The following SNTB2 variants were observed in gnomAD, a reference collection of about 807,000 sequenced individuals.
SNTB2 encodes beta-2-syntrophin.
SNTB2 carries 34 observed loss-of-function variants against 46.2 expected under a neutral mutation model. The ratio of observed to expected loss-of-function variants is 0.74; its 90% CI spans 0.56 to 0.98. SNTB2 has a LOEUF of 0.98. SNTB2 is among the 50% of genes least tolerant of loss of function. The pLI, the probability that SNTB2 is intolerant of heterozygous loss-of-function variation, is 0.00. For missense variants in SNTB2, 603 were observed against 731.4 expected, an observed-to-expected ratio of 0.82 and a Z score of 2.02; for synonymous variants, 290 against 312.6, an observed-to-expected ratio of 0.93 and a Z score of 0.76.
chr16:69,235,696 G>A, intron 1 of SNTB2: 1 of 1,274,230 alleles, frequency 7.8e-7, no homozygotes, highest in Non-Finnish European at 1.0e-6. Flanking sequence ...TCAAACTGCT[G>A]TATCCCCAGG....
intron 5 of SNTB2, 151 bp downstream of exon 5, chr16:69,284,395 T>C (rs1241958092): frequency 2.2e-6 from 1 of 444,446 alleles, no homozygotes; most frequent in African/African-American, 2.1e-5. Context: ...ATACCTTTTC[T>C]AAGTGTACAT....
In SNTB2 at chr16:69,260,252, G is replaced by A; in HGVS notation, c.997G>A (p.Ala333Thr). The change falls in exon 3 of 7, where the codon GCA becomes ACA. Residue 333 changes from alanine to threonine, a missense_variant. Physicochemically the swap from Ala to Thr is moderately conservative, Grantham distance 58. Transcript: ENST00000336278. ...AGAGGTGAAGCATATTGCCTGGCTG[G>A]CAGAACAGGTAGGCTGGGAGGCAGG... is the stretch of plus-strand genomic sequence containing the variant. ...SKEVKHIAWLAEQAKLDGGRQ... is the reference protein window; with the variant it reads ...SKEVKHIAWLTEQAKLDGGRQ... The A allele has an allele frequency of 2.5e-6, 4 of 1,614,098 alleles. No individual in the cohort carries two copies. The highest frequency in any genetic ancestry group is 3.4e-6 in the Non-Finnish European group (4 of 1,179,998).
chr16:69,297,856 A>T (rs934129105), intron 5 of SNTB2, among the ~76,000 whole-genome samples: 1 of 151,054 alleles, frequency 6.6e-6, no homozygotes. Flanking sequence ...TGAGGTTGCA[A>T]TGAACCGAGA....
intron 1 of SNTB2, among the ~76,000 whole-genome samples, chr16:69,196,536 G>T (rs943078882): frequency 2.0e-5 from 3 of 151,662 alleles, no homozygotes; most frequent in Non-Finnish European, 4.4e-5. Flanking sequence ...TACCATGCCC[G>T]GCTAATTTTT....
intron 1 of SNTB2, among the ~76,000 whole-genome samples, chr16:69,238,884 C>T (rs1291525499): frequency 6.6e-6 from 1 of 152,168 alleles, no homozygotes; most frequent in African/African-American, 2.4e-5. Context: ...CTATTTTCAA[C>T]ATAGTGGTCA....
chr16:69,257,787 C>T (rs1403170190), intron 2 of SNTB2, among the ~76,000 whole-genome samples: 1 of 152,154 alleles, frequency 6.6e-6, no homozygotes, highest in Non-Finnish European at 1.5e-5. Context: ...AACTTTTGTC[C>T]TATTTTGCTG....
At chr16:69,292,290 G>A (rs1350029644) in intron 5 of SNTB2, among the ~76,000 whole-genome samples, 3 of 141,394 alleles carry the variant, frequency 2.1e-5, no homozygotes, top group African/African-American at 8.0e-5. Flanking sequence ...TACACTGGTT[G>A]TACTATCTAC....
intron 4 of SNTB2, among the ~76,000 whole-genome samples, chr16:69,283,562 T>G (rs975701097): frequency 2.6e-5 from 4 of 152,226 alleles, no homozygotes; most frequent in African/African-American, 7.2e-5. Context: ...TTTTAAGCTC[T>G]TTGGCTGAAA....
chr16:69,274,186 C>T (rs979262155), intron 4 of SNTB2, among the ~76,000 whole-genome samples: 2 of 151,760 alleles, frequency 1.3e-5, no homozygotes, highest in African/African-American at 4.8e-5. Flanking sequence ...GTGGCATATG[C>T]CCGTAATCCC....
At chr16:69,235,605 A>T in intron 1 of SNTB2, 1 of 1,090,612 alleles carries the variant, frequency 9.2e-7, no homozygotes, top group Non-Finnish European at 1.2e-6. Flanking sequence ...AACTAAAAGG[A>T]AGGGAAAGGA....
At position 69,187,352 on chromosome 16, in the gene SNTB2, T is replaced by C; in HGVS notation, c.186T>C (p.Ala62=). 1 of 1,409,476 alleles carries C rather than the reference T, an allele frequency of 7.1e-7. No homozygotes were observed. The highest frequency in any genetic ancestry group is 9.2e-7 in the Non-Finnish European group (1 of 1,081,330). The allele number at this position is 1,409,476 out of a possible 1,614,324, so 87.3% of individuals were successfully genotyped here. A position where few individuals can be genotyped will look rare whatever the true frequency, so the allele number is the denominator to read the frequency against. The part of the protein sequence containing the change: ...GDAAAAELEP[A]LGPAAAAFNG... The stretch of plus-strand genomic sequence containing the variant: ...CCGCCGCGGCCGAGCTGGAGCCCGC[T>C]CTGGGACCCGCGGCCGCCGCCTTCA... Residue 62 remains alanine (A), a synonymous_variant, in exon 1 of 7, where the codon GCT becomes GCC. Transcript: ENST00000336278.
intron 5 of SNTB2, among the ~76,000 whole-genome samples, chr16:69,295,744 A>G (rs1293207459): frequency 1.3e-5 from 2 of 151,944 alleles, no homozygotes; most frequent in Non-Finnish European, 2.9e-5. Context: ...AAAAAAAAAA[A>G]AGCCACTTCT....
chr16:69,235,165 C>T (rs1249145097), intron 1 of SNTB2, among the ~76,000 whole-genome samples: 1 of 151,952 alleles, frequency 6.6e-6, no homozygotes, highest in Non-Finnish European at 1.5e-5. Context: ...GCGCACGCCA[C>T]CATGCCCAGC....
chr16:69,232,753 G>A (rs1188089501), intron 1 of SNTB2, among the ~76,000 whole-genome samples: 7 of 151,644 alleles, frequency 4.6e-5, no homozygotes, highest in African/African-American at 1.5e-4. Context: ...TTCGTGATCC[G>A]CCCACCTCAG....
chr16:69,256,782 T>G (rs1964780795), intron 2 of SNTB2, among the ~76,000 whole-genome samples: 1 of 152,214 alleles, frequency 6.6e-6, no homozygotes, highest in Admixed American at 6.5e-5. Flanking sequence ...TAAACATGGG[T>G]GTACAAATGT....
intron 5 of SNTB2, among the ~76,000 whole-genome samples, chr16:69,289,847 G>A (rs1038248088): frequency 3.3e-5 from 5 of 152,048 alleles, no homozygotes; most frequent in African/African-American, 4.8e-5. Context: ...GCTTGAGCCC[G>A]AGAGGTCAAG....
At chr16:69,249,703 G>A (rs1034914975) in intron 2 of SNTB2, among the ~76,000 whole-genome samples, 1 of 152,128 alleles carries the variant, frequency 6.6e-6, no homozygotes, top group East Asian at 1.9e-4. Context: ...CAGTCTACTC[G>A]ACCATGGCAT....
chr16:69,264,174 C>T (rs192416497), intron 3 of SNTB2, among the ~76,000 whole-genome samples: 455 of 152,272 alleles, frequency 3.0e-3, no homozygotes, highest in Middle Eastern at 6.8e-3. Context: ...TATCTTGTCT[C>T]TGCACCTGAC....
chr16:69,251,785 AAAC>A (rs1373971253), intron 2 of SNTB2, among the ~76,000 whole-genome samples: 8 of 152,164 alleles, frequency 5.3e-5, no homozygotes, highest in East Asian at 3.9e-4. Flanking sequence ...TCCGTCTCAA[AAAC>A]AACAACAAAC....
Sources: allele counts gnomAD v4.1 joint callset (sites outside exome capture counted in the v4.1 genomes callset), GRCh38; gene constraint gnomAD v4.1.1; transcripts MANE v1.5; gene names NCBI Gene and HGNC (gene_info 2026-07-23, HGNC 2026-07-21).